The following GPR179 variants were observed in gnomAD, a reference collection of about 807,000 sequenced individuals.
The protein encoded by GPR179 is probable G protein-coupled receptor 179.
A neutral mutation model predicts 70.8 loss-of-function variants in GPR179; 52 were observed. The ratio of observed to expected loss-of-function variants is 0.73; its 90% CI spans 0.59 to 0.93. The LOEUF is 0.93. GPR179 is among the 40% of genes least tolerant of loss of function. The probability of loss-of-function intolerance (pLI) is 0.00; values close to 1 mark genes in which losing one functional copy is unlikely to be tolerated. For synonymous variants in GPR179, 1,123 were observed against 1,169.0 expected (o/e 0.96, Z 0.80); for missense variants, 2,734 against 2,966.8 (o/e 0.92, Z 1.82).
chr17:38,333,904 A>G, intron 9 of GPR179, 29 bp downstream of exon 9: 1 of 1,540,242 alleles, frequency 6.5e-7, no homozygotes, highest in East Asian at 2.3e-5. Context: ...GCTGGGGTCC[A>G]CCTCACAGGC....
At position 38,326,265 on chromosome 17, in the gene GPR179, G is replaced by T. The variant is rs2037284353; in HGVS notation, c.*200C>A. The T allele has an allele frequency of 3.9e-6, 2 of 519,162 alleles. No individual in the cohort carries two copies. The highest frequency in any genetic ancestry group is 1.9e-5 in the African/African-American group (1 of 52,606). The allele number at this position is 519,162 out of a possible 1,614,324, so 32.2% of individuals were successfully genotyped here. On this transcript the variant is annotated 3_prime_UTR_variant, in exon 11 of 11. Coordinates refer to ENST00000616987, the MANE Select transcript of GPR179 (RefSeq NM_001004334.4). ...AACAGGAAGAAAAGTTAGAAGTAAA[G>T]AGAGGGTGGGCCTTCCCATTGGGGT... is the stretch of plus-strand genomic sequence containing the variant.
rs2037346102 is a variant in GPR179 at position 38,330,642 on chromosome 17, AG to A, written c.2926del (p.Leu976TrpfsTer62). 1.3e-6 allele frequency: 2 copies of A among 1,592,346 alleles called. No homozygotes were observed. Among genetic ancestry groups the A allele is most frequent in the Non-Finnish European group, 8.6e-7 (1 of 1,168,188 alleles). On this transcript the variant is annotated frameshift_variant, in exon 11 of 11. Coordinates refer to ENST00000616987, the MANE Select transcript of GPR179 (RefSeq NM_001004334.4). LOFTEE classifies it low-confidence loss of function (END_TRUNC). ...PALAPTPAPALAPVPVSPQSP... is the reference protein window; with the variant it reads ...PALAPTPAPAXAPVPVSPQSP... ...TTGTGGGGATACTGGGACTGGTGCC[AG>A]GGCAGGGGCTGGGGTTGGAGCTAGA...
chr17:38,326,702 T>C lies in GPR179; in HGVS notation c.6867A>G (p.Glu2289=). 2 of 1,614,180 alleles carry C rather than the reference T, an allele frequency of 1.2e-6. No individual in the cohort carries two copies. Among genetic ancestry groups the C allele is most frequent in the Non-Finnish European group, 1.7e-6 (2 of 1,180,020 alleles). ...TTACCTTGGGGCAGGGGATTTTGCT[T>C]TCTGGAAAGAAGTGATCCAGAGGCC... The part of the protein sequence containing the change: ...VHGPLDHFFP[E]SKIPCPKVSR... The change falls in exon 11 of 11, where the codon GAA becomes GAG. Residue 2289 remains glutamate (E), a synonymous_variant. Coordinates refer to ENST00000616987, the MANE Select transcript of GPR179 (RefSeq NM_001004334.4).
chr17:38,331,153 A>C lies in GPR179; in HGVS notation c.2416T>G (p.Ser806Ala). The C allele has an allele frequency of 6.2e-7, 1 of 1,606,550 alleles. No individual in the cohort carries two copies. The highest frequency in any genetic ancestry group is 8.5e-7 in the Non-Finnish European group (1 of 1,179,560). ...CCCAGGGCAGGGGGCCCCTCCACCGACTCCCGGCTCTCTGTTCGAGAGGCC... is the reference window on the plus strand; with the variant it reads ...CCCAGGGCAGGGGGCCCCTCCACCGCCTCCCGGCTCTCTGTTCGAGAGGCC... Reference protein sequence around the residue: ...KKASRTESRESVEGPPALGFR... With the variant: ...KKASRTESREAVEGPPALGFR... The change falls in exon 11 of 11, where the codon TCG becomes GCG. Residue 806 changes from serine (S) to alanine (A), a missense_variant. Ser to Ala is a moderately conservative substitution (Grantham distance 99, BLOSUM62 1). Coordinates refer to ENST00000616987, the MANE Select transcript of GPR179 (RefSeq NM_001004334.4).
rs2037334108 is a variant in GPR179 at position 38,329,838 on chromosome 17, C to T, written c.3731G>A (p.Cys1244Tyr). The change falls in exon 11 of 11, where the codon TGC becomes TAC. Residue 1244 changes from cysteine to tyrosine, a missense_variant. Coordinates refer to ENST00000616987, the MANE Select transcript of GPR179 (RefSeq NM_001004334.4). ...GSADHRVAEVCPWEVTESETR... is the reference protein window; with the variant it reads ...GSADHRVAEVYPWEVTESETR... Reference sequence around the variant, plus strand: ...TTCTGATTCAGTGACCTCCCAGGGGCATACCTCTGCCACCCTGTGGTCAGC... The same window carrying T: ...TTCTGATTCAGTGACCTCCCAGGGGTATACCTCTGCCACCCTGTGGTCAGC... 6.2e-7 allele frequency: 1 copy of T among 1,614,002 alleles called. No individual in the cohort carries two copies. Among genetic ancestry groups the T allele is most frequent in the East Asian group, 2.2e-5 (1 of 44,884 alleles).
At chr17:38,342,626 A>C (rs554525831) in intron 1 of GPR179, among the ~76,000 whole-genome samples, 2 of 152,344 alleles carry the variant, frequency 1.3e-5, no homozygotes, top group Non-Finnish European at 2.9e-5. Context: ...GGCGTGAGCC[A>C]CTGCACCCAG....
chr17:38,329,984 T>C lies in GPR179; in HGVS notation c.3585A>G (p.Ala1195=). 6.2e-7 allele frequency: 1 copy of C among 1,614,236 alleles called. No homozygotes were observed. The highest frequency in any genetic ancestry group is 8.5e-7 in the Non-Finnish European group (1 of 1,180,048). ...QGLGERKAER[A]GKTGLAMLRQ... is the part of the protein sequence containing the mutation. ...TCAGCATGGCAAGCCCTGTTTTACC[T>C]GCTCTCTCAGCTTTCCGTTCCCCTA... is the stretch of plus-strand genomic sequence containing the variant. The change falls in exon 11 of 11, where the codon GCA becomes GCG. Residue 1195 remains alanine, a synonymous_variant. Transcript: ENST00000616987.
Position 38,330,863 on chromosome 17 carries a change from T to C in GPR179, c.2706A>G (p.Pro902=). ...ERPRGAPLSA[P]PSPAKSSSVD... ...CGCTGCTGCTCTTGGCAGGGGAAGGTGGAGCTGACAGGGGGGCCCCTCGAG... is the reference window on the plus strand; with the variant it reads ...CGCTGCTGCTCTTGGCAGGGGAAGGCGGAGCTGACAGGGGGGCCCCTCGAG... Residue 902 remains proline (P), a synonymous_variant, in exon 11 of 11, where the codon CCA becomes CCG. Transcript: ENST00000616987. 6.2e-7 allele frequency: 1 copy of C among 1,600,686 alleles called. No homozygotes were observed.
rs936800262 is a variant in GPR179 at position 38,326,235 on chromosome 17, C to G, written c.*230G>C. On this transcript the variant is annotated 3_prime_UTR_variant, in exon 11 of 11. Transcript: ENST00000616987. ...GAAGTAGAGTGTCCAGTCTTTGTTTCCTCAAACAGGAAGAAAAGTTAGAAG... is the reference window on the plus strand; with the variant it reads ...GAAGTAGAGTGTCCAGTCTTTGTTTGCTCAAACAGGAAGAAAAGTTAGAAG... The G allele has an allele frequency of 6.0e-6, 3 of 498,246 alleles. No homozygotes were observed. Among genetic ancestry groups the G allele is most frequent in the African/African-American group, 1.9e-5 (1 of 52,058 alleles). The allele number at this position is 498,246 out of a possible 1,614,324, so 30.9% of individuals were successfully genotyped here.
intron 9 of GPR179, 127 bp downstream of exon 9, chr17:38,333,806 C>T: frequency 1.5e-6 from 1 of 673,128 alleles, no homozygotes; most frequent in Non-Finnish European, 2.6e-6. Context: ...TGGCACTGTG[C>T]TCACTCACCC....
In GPR179 at chr17:38,343,680, G is replaced by A. The variant is rs747931475; in HGVS notation, c.110C>T (p.Pro37Leu). Residue 37 changes from proline to leucine, a missense_variant, in exon 1 of 11, where the codon CCT becomes CTT. Coordinates refer to ENST00000616987, the MANE Select transcript of GPR179 (RefSeq NM_001004334.4). This position sits in a 1 kb window ranked among gnomAD's most constrained non-coding sequence, Gnocchi z 4.2. ...TCCTGGCTTGACTTGGGAAGACAGA[G>A]GGGGCAGAGAGCGGATGGGCCGTGG... ...GGPRPIRSLP[P>L]LSSQVKPGSV... 5 of 1,610,648 alleles carry A rather than the reference G, an allele frequency of 3.1e-6. No individual in the cohort carries two copies. In the Admixed American group the frequency reaches 5.0e-5, roughly 16 times the overall value.
intron 1 of GPR179, among the ~76,000 whole-genome samples, chr17:38,340,482 A>G (rs68003821): frequency 0.12 from 17,973 of 152,182 alleles, 1,130 homozygotes; most frequent in African/African-American, 0.16. Context: ...AGCTTTGGTT[A>G]TATTGTTCAG....
Position 38,326,291 on chromosome 17 carries a change from C to A in GPR179, c.*174G>T. 1.7e-6 allele frequency: 1 copy of A among 579,006 alleles called. No individual in the cohort carries two copies. The highest frequency in any genetic ancestry group is 3.0e-6 in the Non-Finnish European group (1 of 328,134). 35.9% of individuals were successfully genotyped at this position (579,006 alleles called of 1,614,324 possible). ...AGAGGGTGGGCCTTCCCATTGGGGT[C>A]TAAGCTGTACCCTTTTCATGCAGTT... On this transcript the variant is annotated 3_prime_UTR_variant, in exon 11 of 11. Transcript: ENST00000616987.
In GPR179 at chr17:38,335,651, C is replaced by G. The variant is rs774907771; in HGVS notation, c.1346G>C (p.Arg449Pro). The change falls in exon 6 of 11, where the codon CGC becomes CCC. Residue 449 changes from arginine to proline, a missense_variant. By Grantham distance (103) the Arg-to-Pro change is moderately radical. Coordinates refer to ENST00000616987, the MANE Select transcript of GPR179 (RefSeq NM_001004334.4). The stretch of plus-strand genomic sequence containing the variant: ...GGCAAAACCCAGCAGCCGCACCCAG[C>G]GAAGAGCGATGCAGCGGAATACACT... ...KPSVFRCIAL[R>P]WVRLLGFAIV... 2 of 1,613,984 alleles carry G rather than the reference C, an allele frequency of 1.2e-6. No homozygotes were observed. Among genetic ancestry groups the G allele is most frequent in the Non-Finnish European group, 8.5e-7 (1 of 1,180,002 alleles).
intron 1 of GPR179, among the ~76,000 whole-genome samples, chr17:38,340,643 T>C (rs968128846): frequency 1.3e-5 from 2 of 151,956 alleles, no homozygotes; most frequent in Non-Finnish European, 2.9e-5. Flanking sequence ...ATAGGCGGGG[T>C]GCAGTGGCTC....
Position 38,326,341 on chromosome 17 carries a change from G to T in GPR179, c.*124C>A. On this transcript the variant is annotated 3_prime_UTR_variant, in exon 11 of 11. Coordinates refer to ENST00000616987, the MANE Select transcript of GPR179 (RefSeq NM_001004334.4). ...TTGTCTTTGGGATGGGTTGACTTCTGGTCTTCTCAAGGAGGGGAAGTGGCC... is the reference window on the plus strand; with the variant it reads ...TTGTCTTTGGGATGGGTTGACTTCTTGTCTTCTCAAGGAGGGGAAGTGGCC... The T allele has an allele frequency of 2.9e-6, 2 of 692,420 alleles. No homozygotes were observed. The highest frequency in any genetic ancestry group is 4.9e-6 in the Non-Finnish European group (2 of 411,670). The allele number at this position is 692,420 out of a possible 1,614,324, so 42.9% of individuals were successfully genotyped here.
chr17:38,330,058 C>T lies in GPR179; in HGVS notation c.3511G>A (p.Glu1171Lys). Residue 1171 changes from glutamate to lysine, a missense_variant, in exon 11 of 11, where the codon GAG becomes AAG. Physicochemically the swap from Glu to Lys is moderately conservative, Grantham distance 56. Transcript: ENST00000616987. ...TSRMLQVCQR[E>K]GSREQEDRGR... ...CTGTCTTCTTGTTCCCTGCTGCCCTCCCGTTGACAGACTTGGAGCATCCTG... is the reference window on the plus strand; with the variant it reads ...CTGTCTTCTTGTTCCCTGCTGCCCTTCCGTTGACAGACTTGGAGCATCCTG... 1 of 1,614,216 alleles carries T rather than the reference C, an allele frequency of 6.2e-7. No individual in the cohort carries two copies. Among genetic ancestry groups the T allele is most frequent in the East Asian group, 2.2e-5 (1 of 44,892 alleles).
Position 38,343,435 on chromosome 17 carries a change from G to T in GPR179, c.355C>A (p.Arg119Ser), listed in dbSNP as rs769879888. 2 of 1,614,136 alleles carry T rather than the reference G, an allele frequency of 1.2e-6. No homozygotes were observed. Among genetic ancestry groups the T allele is most frequent in the Non-Finnish European group, 1.7e-6 (2 of 1,180,034 alleles). Reference sequence around the variant, plus strand: ...ACATCCTCCTCCACACTGGACTCACGGATGTCGTTGGCTTGCAGCAGCATG... The same window carrying T: ...ACATCCTCCTCCACACTGGACTCACTGATGTCGTTGGCTTGCAGCAGCATG... ...LNMLLQANDI[R>S]ESSVEEDVEW... is the part of the protein sequence containing the mutation. The change falls in exon 1 of 11, where the codon CGT (arginine) becomes AGT (serine). Residue 119 changes from arginine to serine, a missense_variant. By Grantham distance (110) the Arg-to-Ser change is moderately radical. Transcript: ENST00000616987. This position sits in a 1 kb window ranked among gnomAD's most constrained non-coding sequence, Gnocchi z 4.2.
rs561607837 is a variant in GPR179, at chr17:38,331,111, C to G, written c.2458G>C (p.Ala820Pro). The change falls in exon 11 of 11, where the codon GCC (alanine) becomes CCC (proline). Residue 820 changes from alanine (A) to proline (P), a missense_variant. Coordinates refer to ENST00000616987, the MANE Select transcript of GPR179 (RefSeq NM_001004334.4). ...PPALGFRSAS[A>P]HNLTVGERLP... is the part of the protein sequence containing the mutation. ...CTCTCTCCCACCGTCAGGTTGTGGG[C>G]GCTGGCTGACCTGAAGCCCAGGGCA... is the stretch of plus-strand genomic sequence containing the variant. 36 of 1,602,016 alleles carry G rather than the reference C, an allele frequency of 2.2e-5. No homozygotes were observed. Among genetic ancestry groups the G allele is most frequent in the Non-Finnish European group, 2.8e-5 (33 of 1,179,480 alleles).
Sources: allele counts gnomAD v4.1 joint callset (sites outside exome capture counted in the v4.1 genomes callset), GRCh38; gene constraint gnomAD v4.1.1; non-coding constraint Gnocchi (gnomAD v3.1); transcripts MANE v1.5; gene names NCBI Gene and HGNC (gene_info 2026-07-23, HGNC 2026-07-21).